Variants in P3H2 observed in about 807,000 individuals in gnomAD.
P3H2 encodes the protein prolyl 3-hydroxylase 2, also known as leprecan-like 1.
In P3H2, 80 loss-of-function variants were observed where a neutral mutation model predicts 87.0. That is an observed-to-expected ratio of 0.92 (90% CI 0.77 to 1.11). The LOEUF (loss-of-function observed/expected upper bound fraction) is 1.11, where lower values mean the gene tolerates loss of function less well. Ranked by LOEUF, P3H2 falls within the 50% of genes least tolerant of loss-of-function variation. The pLI is 0.00. For synonymous variants in P3H2, 367 were observed against 359.3 expected, an observed-to-expected ratio of 1.02 and a Z score of -0.24; for missense variants, 1,001 against 923.9, an observed-to-expected ratio of 1.08 and a Z score of -1.08.
chr3:189,974,206 A>G (rs1723275842), intron 9 of P3H2: 1 of 605,682 alleles, frequency 1.7e-6, no homozygotes, highest in South Asian at 2.1e-5. Flanking sequence ...TTATTATCAA[A>G]TACTGTCACT....
chr3:190,028,448 A>G (rs1447244942), intron 1 of P3H2, among the ~76,000 whole-genome samples: 1 of 152,182 alleles, frequency 6.6e-6, no homozygotes, highest in Admixed American at 6.5e-5. Flanking sequence ...AACTCTGGAG[A>G]CCTGACATCC....
At chr3:190,002,789 T>C (rs535131392) in intron 1 of P3H2, among the ~76,000 whole-genome samples, 1 of 152,352 alleles carries the variant, frequency 6.6e-6, no homozygotes, top group Admixed American at 6.5e-5. Flanking sequence ...AATCTAACTA[T>C]ACAAATAGTT....
chr3:189,984,192 A>G (rs1577254116), intron 7 of P3H2, among the ~76,000 whole-genome samples: 1 of 152,326 alleles, frequency 6.6e-6, no homozygotes, highest in East Asian at 1.9e-4. Flanking sequence ...GGTAAATACA[A>G]TAAGGGAATT....
intron 1 of P3H2, among the ~76,000 whole-genome samples, chr3:190,049,274 T>C (rs917428471): frequency 3.3e-5 from 5 of 152,180 alleles, no homozygotes; most frequent in Non-Finnish European, 5.9e-5. Flanking sequence ...ACATGGTTTT[T>C]TTTTTCAGTC....
At chr3:190,111,553 T>C (rs1269248237) in intron 1 of P3H2, among the ~76,000 whole-genome samples, 2 of 152,044 alleles carry the variant, frequency 1.3e-5, no homozygotes, top group Non-Finnish European at 2.9e-5. Context: ...AAAAAATCAG[T>C]CAAAGGGGCT....
chr3:190,007,234 T>G (rs1355823356), intron 1 of P3H2, among the ~76,000 whole-genome samples: 1 of 152,192 alleles, frequency 6.6e-6, no homozygotes, highest in Non-Finnish European at 1.5e-5. Context: ...GGCAAAATTT[T>G]GGGGAAACCC....
intron 1 of P3H2, among the ~76,000 whole-genome samples, chr3:190,089,939 G>T (rs188855875): frequency 4.9e-4 from 74 of 152,200 alleles, no homozygotes; most frequent in African/African-American, 1.5e-3. Context: ...GAATGGGGAC[G>T]TTTGTTGGGG....
intron 1 of P3H2, among the ~76,000 whole-genome samples, chr3:190,080,317 C>T (rs1727001166): frequency 6.6e-6 from 1 of 152,136 alleles, no homozygotes; most frequent in Non-Finnish European, 1.5e-5. Context: ...CCTTGAGTGC[C>T]ATAGTAAGAG....
chr3:190,004,863 T>C (rs182907923), intron 1 of P3H2, among the ~76,000 whole-genome samples: 1 of 151,520 alleles, frequency 6.6e-6, no homozygotes, highest in Non-Finnish European at 1.5e-5. Context: ...AAAAAAAAAA[T>C]TTTAGCTGGC....
chr3:189,973,649 G>A (rs1042178192), intron 10 of P3H2, among the ~76,000 whole-genome samples: 21 of 150,264 alleles, frequency 1.4e-4, no homozygotes, highest in Admixed American at 6.6e-4. Flanking sequence ...TCAGCCTCCC[G>A]AGTAGCTGGG....
At chr3:190,004,532 G>A (rs866578595) in intron 1 of P3H2, among the ~76,000 whole-genome samples, 2 of 151,818 alleles carry the variant, frequency 1.3e-5, no homozygotes, top group African/African-American at 2.4e-5. Flanking sequence ...ACAGGCGCCC[G>A]CCTCCACGCC....
intron 1 of P3H2, among the ~76,000 whole-genome samples, chr3:190,076,058 G>C (rs111927465): frequency 6.6e-6 from 1 of 151,656 alleles, no homozygotes; most frequent in South Asian, 2.1e-4. Flanking sequence ...ATTTCATTTC[G>C]TCTATTTAGT....
intron 8 of P3H2, among the ~76,000 whole-genome samples, chr3:189,975,061 T>C (rs1304020248): frequency 6.6e-6 from 1 of 152,156 alleles, no homozygotes; most frequent in Non-Finnish European, 1.5e-5. Context: ...ACACCACAGA[T>C]TGCATGTTTG....
At chr3:190,005,266 A>G (rs187720125) in intron 1 of P3H2, among the ~76,000 whole-genome samples, 2 of 151,772 alleles carry the variant, frequency 1.3e-5, no homozygotes, top group African/African-American at 4.9e-5. Context: ...TGCTTGTCAC[A>G]AGCACTGGGA....
chr3:190,036,091 T>A (rs1725415136), intron 1 of P3H2, among the ~76,000 whole-genome samples: 1 of 152,190 alleles, frequency 6.6e-6, no homozygotes, highest in Non-Finnish European at 1.5e-5. Context: ...CAGAATGAAA[T>A]TTTTTCTTCT....
In P3H2 at chr3:189,966,404, T is replaced by C. The variant is rs2108904983; in HGVS notation, c.1894-2306A>G. 2.0e-5 allele frequency among the ~76,000 whole-genome samples: 3 copies of C among 152,330 alleles called. No homozygotes were observed. In the Middle Eastern group the frequency reaches 0.01, roughly 518 times the overall value. ...CTGGAATTGAAAGTAATTTTAAACA[T>C]GAATAACTTTGGGAAAGTTTAGGAA... On this transcript the variant is annotated intron_variant, in intron 13 of 14. Coordinates refer to ENST00000319332, the MANE Select transcript of P3H2 (RefSeq NM_018192.4).
intron 1 of P3H2, among the ~76,000 whole-genome samples, chr3:190,029,163 A>T (rs961569254): frequency 1.3e-5 from 2 of 152,200 alleles, no homozygotes; most frequent in Non-Finnish European, 2.9e-5. Flanking sequence ...TTAAGTGTCC[A>T]TTGAGTTTGG....
chr3:190,030,910 C>G (rs1327833789), intron 1 of P3H2, among the ~76,000 whole-genome samples: 2 of 152,100 alleles, frequency 1.3e-5, no homozygotes, highest in African/African-American at 4.8e-5. Flanking sequence ...TGGAAAACAT[C>G]ACTTTGATCT....
At position 190,120,825 on chromosome 3, in the gene P3H2, C is replaced by G. The variant is rs1328189659; in HGVS notation, c.-94G>C. On this transcript the variant is annotated 5_prime_UTR_variant, in exon 1 of 15. Transcript: ENST00000319332. ...CCTCTCCCACCTTCCCTCGGGGAAGCGCGCCGACTCCGCCGCGATCTGGCC... is the reference window on the plus strand; with the variant it reads ...CCTCTCCCACCTTCCCTCGGGGAAGGGCGCCGACTCCGCCGCGATCTGGCC... 14 of 1,454,236 alleles carry G rather than the reference C, an allele frequency of 9.6e-6. No individual in the cohort carries two copies. Among genetic ancestry groups the G allele is most frequent in the Non-Finnish European group, 1.3e-5 (14 of 1,105,394 alleles). The allele number at this position is 1,454,236 out of a possible 1,614,324, so 90.1% of individuals were successfully genotyped here.
Sources: allele counts gnomAD v4.1 joint callset (sites outside exome capture counted in the v4.1 genomes callset), GRCh38; gene constraint gnomAD v4.1.1; transcripts MANE v1.5; gene names NCBI Gene and HGNC (gene_info 2026-07-23, HGNC 2026-07-21).